Variants in TIGD6 observed in about 807,000 individuals in gnomAD.
The protein encoded by TIGD6 is tigger transposable element-derived protein 6.
TIGD6 carries 1 observed loss-of-function variant against 2.6 expected under a neutral mutation model. The ratio of observed to expected loss-of-function variants is 0.39; its 90% confidence interval spans 0.14 to 1.85. The LOEUF is 1.85. Ranked by LOEUF, TIGD6 falls within the 40% of genes most tolerant of loss-of-function variation. TIGD6 has a pLI of 0.32. For synonymous variants in TIGD6, 193 were observed against 221.9 expected, an observed-to-expected ratio of 0.87 and a Z score of 1.16; for missense variants, 601 against 634.2, an observed-to-expected ratio of 0.95 and a Z score of 0.56.
In TIGD6 at chr5:149,994,234, G is replaced by C. The variant is rs1755325048; in HGVS notation, c.*549C>G. ...TTTTGGGTCCCACCTGAGGTCTACTGTATCAAACTCTGGGGGTGGGCCTAG... is the reference window on the plus strand; with the variant it reads ...TTTTGGGTCCCACCTGAGGTCTACTCTATCAAACTCTGGGGGTGGGCCTAG... On this transcript the variant is annotated 3_prime_UTR_variant, in exon 2 of 2. Coordinates refer to ENST00000296736, the MANE Select transcript of TIGD6 (RefSeq NM_030953.4). 6.6e-6 allele frequency: 1 copy of C among 152,276 alleles called. No homozygotes were observed. Among genetic ancestry groups the C allele is most frequent in the East Asian group, 1.9e-4 (1 of 5,198 alleles). 9.4% of individuals were successfully genotyped at this position (152,276 alleles called of 1,614,324 possible). A position where few individuals can be genotyped will look rare whatever the true frequency, so the allele number is the denominator to read the frequency against.
In TIGD6 at chr5:149,996,277, T is replaced by C. The variant is rs369484692; in HGVS notation, c.72A>G (p.Val24=). 2.9e-5 allele frequency: 47 copies of C among 1,614,058 alleles called. No homozygotes were observed. In the African/African-American group the frequency reaches 5.2e-4, roughly 18 times the overall value. ...CATCACCTTTCCTCTTGCCTGAGTC[T>C]ACAGCTCCCACAACTTTCATTTTCT... ...LEEKMKVVGA[V]DSGKRKGDVA... Residue 24 remains valine, a synonymous_variant, in exon 2 of 2, where the codon GTA becomes GTG. Transcript: ENST00000296736.
chr5:150,000,216 C>G (rs1421450048), intron 1 of TIGD6: 1 of 154,456 alleles, frequency 6.5e-6, no homozygotes, highest in African/African-American at 2.4e-5. Flanking sequence ...CAGGAACTCA[C>G]TACCATCACT....
rs1755392597 is a variant in TIGD6 at position 149,996,419 on chromosome 5, A to G, written c.-71T>C. The G allele has an allele frequency of 1.3e-6, 2 of 1,515,076 alleles. No homozygotes were observed. The highest frequency in any genetic ancestry group is 4.5e-5 in the Admixed American group (2 of 44,156). The allele number at this position is 1,515,076 out of a possible 1,614,324, so 93.9% of individuals were successfully genotyped here. A position where few individuals can be genotyped will look rare whatever the true frequency, so the allele number is the denominator to read the frequency against. On this transcript the variant is annotated 5_prime_UTR_variant, in exon 2 of 2. Coordinates refer to ENST00000296736, the MANE Select transcript of TIGD6 (RefSeq NM_030953.4). ...CCTCCTCGCGGCTTGCTTTGCCCCA[A>G]GTGTGGAAAGCTGAGAAGACAAAAT...
intron 1 of TIGD6, among the ~76,000 whole-genome samples, chr5:149,998,360 A>G (rs1755447747): frequency 6.6e-6 from 1 of 151,526 alleles, no homozygotes; most frequent in African/African-American, 2.4e-5. Flanking sequence ...TTTTTAATAC[A>G]TATTTTTGAA....
In TIGD6 at chr5:149,996,052, A is replaced by T; in HGVS notation, c.297T>A (p.Ser99=). Residue 99 remains serine (S), a synonymous_variant, in exon 2 of 2, where the codon TCT becomes TCA. Transcript: ENST00000296736. ...IHAKNILVTG[S]VIRKKALNLA... ...AGTTTAGTGCTTTTTTCCGAATGAC[A>T]GAACCAGTCACAAGAATGTTTTTGG... is the stretch of plus-strand genomic sequence containing the variant. The T allele has an allele frequency of 2.5e-6, 4 of 1,613,308 alleles. No individual in the cohort carries two copies. The highest frequency in any genetic ancestry group is 3.4e-6 in the Non-Finnish European group (4 of 1,180,044).
At chr5:149,997,730 C>T (rs543864329) in intron 1 of TIGD6, among the ~76,000 whole-genome samples, 7 of 151,822 alleles carry the variant, frequency 4.6e-5, no homozygotes, top group African/African-American at 1.2e-4. Flanking sequence ...GAGGCCGACG[C>T]GTGTGGATCA....
rs1755376342 is a variant in TIGD6 at position 149,996,006 on chromosome 5, C to T, written c.343G>A (p.Asp115Asn). The change falls in exon 2 of 2, where the codon GAC becomes AAC. Residue 115 changes from aspartate to asparagine, a missense_variant. Physicochemically the swap from Asp to Asn is conservative, Grantham distance 23 (BLOSUM62 1). Coordinates refer to ENST00000296736, the MANE Select transcript of TIGD6 (RefSeq NM_030953.4). Reference protein sequence around the residue: ...ALNLANMLGYDNFQASVGWLN... With the variant: ...ALNLANMLGYNNFQASVGWLN... ...CAGCCCACACTTGCTTGAAAATTGT[C>T]ATAGCCAAGCATGTTGGCCAAGTTT... 1 of 1,610,848 alleles carries T rather than the reference C, an allele frequency of 6.2e-7. No homozygotes were observed. Among genetic ancestry groups the T allele is most frequent in the South Asian group, 1.1e-5 (1 of 91,072 alleles).
At chr5:149,999,019 A>G (rs1755468441) in intron 1 of TIGD6, among the ~76,000 whole-genome samples, 1 of 152,242 alleles carries the variant, frequency 6.6e-6, no homozygotes, top group Admixed American at 6.5e-5. Context: ...TCATGAGATG[A>G]AAGGAAATAT....
intron 1 of TIGD6, among the ~76,000 whole-genome samples, chr5:149,996,811 C>A (rs944402488): frequency 1.3e-5 from 2 of 152,222 alleles, no homozygotes; most frequent in Non-Finnish European, 2.9e-5. Context: ...AAGGGGCCTA[C>A]CCGGGTTCAT....
In TIGD6 at chr5:150,000,645, G is replaced by A. The variant is rs1330288920; in HGVS notation, c.-253C>T. On this transcript the variant is annotated 5_prime_UTR_variant, in exon 1 of 2. Coordinates refer to ENST00000296736, the MANE Select transcript of TIGD6 (RefSeq NM_030953.4). Reference sequence around the variant, plus strand: ...GTGGGTCCGCTCCCAAGCTAGGGCTGGGCTGTTGCGCTTGCGCCAGGGGTC... The same window carrying A: ...GTGGGTCCGCTCCCAAGCTAGGGCTAGGCTGTTGCGCTTGCGCCAGGGGTC... 2 of 154,768 alleles carry A rather than the reference G, an allele frequency of 1.3e-5. No individual in the cohort carries two copies. The highest frequency in any genetic ancestry group is 2.9e-5 in the Non-Finnish European group (2 of 68,260). The allele number at this position is 154,768 out of a possible 1,614,324, so 9.6% of individuals were successfully genotyped here.
Position 149,995,513 on chromosome 5 carries a change from ATCC to A in TIGD6, c.833_835del (p.Arg278_Ile279delinsLeu). ...AGAGCAGTTGTCTATGAGCAAGAGG[ATCC>A]GGCGTTCCGCCCTCTTCATCCTGGC... On this transcript the variant is annotated inframe_deletion, in exon 2 of 2. Coordinates refer to ENST00000296736, the MANE Select transcript of TIGD6 (RefSeq NM_030953.4). The A allele has an allele frequency of 1.2e-6, 2 of 1,614,240 alleles. No individual in the cohort carries two copies. The highest frequency in any genetic ancestry group is 1.7e-6 in the Non-Finnish European group (2 of 1,180,038).
At chr5:149,998,110 C>A (rs915939699) in intron 1 of TIGD6, among the ~76,000 whole-genome samples, 1 of 151,770 alleles carries the variant, frequency 6.6e-6, no homozygotes, top group Non-Finnish European at 1.5e-5. Flanking sequence ...AGCCTGGCGA[C>A]AGAGCGAGCC....
Position 149,993,544 on chromosome 5 carries a change from A to G in TIGD6, c.*1239T>C, listed in dbSNP as rs1207128841. ...CTGATTAACAGGATGCTCTATTATT[A>G]TAACCTCCCTCCCTGGTTGTATCCA... On this transcript the variant is annotated 3_prime_UTR_variant, in exon 2 of 2. Transcript: ENST00000296736. 2.0e-5 allele frequency: 3 copies of G among 152,058 alleles called. No homozygotes were observed. Among genetic ancestry groups the G allele is most frequent in the East Asian group, 3.9e-4 (2 of 5,178 alleles). The allele number at this position is 152,058 out of a possible 1,614,324, so 9.4% of individuals were successfully genotyped here. A position where few individuals can be genotyped will look rare whatever the true frequency, so the allele number is the denominator to read the frequency against.
In TIGD6 at chr5:149,993,683, G is replaced by C. The variant is rs948585515; in HGVS notation, c.*1100C>G. The C allele has an allele frequency of 6.6e-6, 1 of 152,100 alleles. No homozygotes were observed. Among genetic ancestry groups the C allele is most frequent in the Non-Finnish European group, 1.5e-5 (1 of 68,056 alleles). The allele number at this position is 152,100 out of a possible 1,614,324, so 9.4% of individuals were successfully genotyped here. A position where few individuals can be genotyped will look rare whatever the true frequency, so the allele number is the denominator to read the frequency against. Reference sequence around the variant, plus strand: ...CAATGTGCTGGGATTACAGGCATGAGCCACCATGCCCAGCCTATGTCTTAA... The same window carrying C: ...CAATGTGCTGGGATTACAGGCATGACCCACCATGCCCAGCCTATGTCTTAA... On this transcript the variant is annotated 3_prime_UTR_variant, in exon 2 of 2. Transcript: ENST00000296736.
chr5:149,996,513 G>C (rs1755395340), intron 1 of TIGD6, 84 bp from the exon 2 acceptor site: 2 of 1,000,934 alleles, frequency 2.0e-6, no homozygotes, highest in African/African-American at 3.2e-5. Flanking sequence ...ATTGTATTAG[G>C]AAAGGACAAT....
chr5:149,994,736 G>T lies in TIGD6; in HGVS notation c.*47C>A. The T allele has an allele frequency of 2.0e-6, 3 of 1,471,968 alleles. No individual in the cohort carries two copies. Among genetic ancestry groups the T allele is most frequent in the Non-Finnish European group, 2.7e-6 (3 of 1,109,658 alleles). The allele number at this position is 1,471,968 out of a possible 1,614,324, so 91.2% of individuals were successfully genotyped here. ...AAATTGGCTCAACAACCTATCTAAA[G>T]AAATCTTTATTCTTGTAAACTACAT... On this transcript the variant is annotated 3_prime_UTR_variant, in exon 2 of 2. Coordinates refer to ENST00000296736, the MANE Select transcript of TIGD6 (RefSeq NM_030953.4).
chr5:149,999,559 G>A lies in TIGD6; in HGVS notation c.-82+915C>T, dbSNP rs545669576. Among the ~76,000 whole-genome samples, 11 of 151,852 alleles carry A rather than the reference G, an allele frequency of 7.2e-5. No homozygotes were observed. The South Asian group carries it at 1.9e-3, about 26-fold the overall frequency. On this transcript the variant is annotated intron_variant, in intron 1 of 1. Coordinates refer to ENST00000296736, the MANE Select transcript of TIGD6 (RefSeq NM_030953.4). ...GGACCGGATGTGAGGTGAAGGAGGA[G>A]TCAAGGATAACGCCCAGGTTTCTGG...
rs1364196623 is a variant in TIGD6, at chr5:149,994,352, C to G, written c.*431G>C. 2 of 152,796 alleles carry G rather than the reference C, an allele frequency of 1.3e-5. No homozygotes were observed. Among genetic ancestry groups the G allele is most frequent in the Non-Finnish European group, 2.9e-5 (2 of 68,556 alleles). The allele number at this position is 152,796 out of a possible 1,614,324, so 9.5% of individuals were successfully genotyped here. ...ACACTTACTGGAAAGAAGCTGGACC[C>G]AGGCCCACAGTGTACTTGATGTTCC... On this transcript the variant is annotated 3_prime_UTR_variant, in exon 2 of 2. Coordinates refer to ENST00000296736, the MANE Select transcript of TIGD6 (RefSeq NM_030953.4).
chr5:149,995,351 T>C lies in TIGD6; in HGVS notation c.998A>G (p.Gln333Arg). The part of the protein sequence containing the change: ...KVLYQSHLLK[Q>R]ILLKLNSSED... ...ACTGCTGTTGAGCTTGAGGAGGATC[T>C]GTTTTAGAAGGTGGCTCTGGTACAG... The change falls in exon 2 of 2, where the codon CAG becomes CGG. Residue 333 changes from glutamine (Q) to arginine (R), a missense_variant. Gln to Arg is a conservative substitution (Grantham distance 43). Transcript: ENST00000296736. 6.2e-7 allele frequency: 1 copy of C among 1,614,230 alleles called. No homozygotes were observed.
Sources: gnomAD v4.1 joint callset for allele counts (sites outside exome capture counted in the v4.1 genomes callset) on GRCh38, gnomAD v4.1.1 for gene constraint, MANE v1.5 for transcripts, NCBI Gene and HGNC (gene_info 2026-07-23, HGNC 2026-07-21) for gene names.